The following FBXL2 variants were observed in gnomAD, a reference collection of about 807,000 sequenced individuals.
FBXL2 encodes F-box/LRR-repeat protein 2.
In FBXL2, 38 loss-of-function variants were observed where a neutral mutation model predicts 69.2. The ratio of observed to expected loss-of-function variants is 0.55; its 90% CI spans 0.42 to 0.72. FBXL2 has a LOEUF of 0.72. Among genes scored for constraint, FBXL2 ranks in the 30% least tolerant of loss-of-function variants. FBXL2 has a pLI of 0.00. For missense variants in FBXL2, 354 were observed against 520.3 expected, an observed-to-expected ratio of 0.68 and a Z score of 3.11; for synonymous variants, 192 against 201.3, an observed-to-expected ratio of 0.95 and a Z score of 0.39.
rs572343995 is a variant in FBXL2, at chr3:33,299,738, A to G, written c.65+2013A>G. 3.9e-5 allele frequency among the ~76,000 whole-genome samples: 6 copies of G among 152,350 alleles called. No homozygotes were observed. The South Asian group carries it at 1.2e-3, about 32-fold the overall frequency. On this transcript the variant is annotated intron_variant, in intron 2 of 14. Coordinates refer to ENST00000484457, the MANE Select transcript of FBXL2 (RefSeq NM_012157.5). ...ATTAAAAAAACTGAGACAGGATTGT[A>G]TGAAAAATATCAATTATATTTTCCA... is the stretch of plus-strand genomic sequence containing the variant.
chr3:33,286,059 A>G (rs1289805880), intron 1 of FBXL2, among the ~76,000 whole-genome samples: 1 of 152,134 alleles, frequency 6.6e-6, no homozygotes, highest in African/African-American at 2.4e-5. Context: ...TTCTCCATCC[A>G]GCTTTGTTCT....
intron 1 of FBXL2, among the ~76,000 whole-genome samples, chr3:33,288,585 G>A (rs1329289757): frequency 6.6e-6 from 1 of 152,232 alleles, no homozygotes; most frequent in Non-Finnish European, 1.5e-5. Flanking sequence ...GGGAATGCCT[G>A]AAGAAAGACT....
At chr3:33,295,173 C>T (rs1309166410) in intron 1 of FBXL2, among the ~76,000 whole-genome samples, 1 of 152,114 alleles carries the variant, frequency 6.6e-6, no homozygotes, top group East Asian at 1.9e-4. Flanking sequence ...TTAGTATATT[C>T]ACCAAGTTGT....
chr3:33,392,819 G>A (rs2043822125), downstream of FBXL2: 1 of 496,310 alleles, frequency 2.0e-6, no homozygotes, highest in South Asian at 3.6e-5. Context: ...TGGTCCCTGA[G>A]AGACCTGGTC....
At chr3:33,295,146 G>T (rs183679306) in intron 1 of FBXL2, among the ~76,000 whole-genome samples, 2 of 152,062 alleles carry the variant, frequency 1.3e-5, no homozygotes, top group Non-Finnish European at 2.9e-5. Context: ...CACTTAAAAA[G>T]TACACTTCAG....
In FBXL2 at chr3:33,388,016, G is replaced by A. The variant is rs2043570504; in HGVS notation, c.*2408G>A. On this transcript the variant is annotated 3_prime_UTR_variant, in exon 15 of 15. Transcript: ENST00000484457. The stretch of plus-strand genomic sequence containing the variant: ...ACCCGGGAGGCAGAGCTTGCAGTGA[G>A]CCGAGATTGCGCCACTGCACTCCAG... The A allele has an allele frequency of 6.7e-6, 1 of 148,926 alleles. No individual in the cohort carries two copies. The highest frequency in any genetic ancestry group is 6.7e-5 in the Admixed American group (1 of 14,878). The allele number at this position is 148,926 out of a possible 1,614,324, so 9.2% of individuals were successfully genotyped here. A position where few individuals can be genotyped will look rare whatever the true frequency, so the allele number is the denominator to read the frequency against.
At chr3:33,400,495 G>C (rs1156770921) in intron 12 of FBXL2, among the ~76,000 whole-genome samples, 1 of 152,116 alleles carries the variant, frequency 6.6e-6, no homozygotes, top group African/African-American at 2.4e-5. Context: ...GAAAAATCAT[G>C]CCGCTGCTAA....
intron 2 of FBXL2, among the ~76,000 whole-genome samples, chr3:33,335,671 T>C (rs2039519351): frequency 6.6e-6 from 1 of 152,126 alleles, no homozygotes; most frequent in African/African-American, 2.4e-5. Flanking sequence ...CCATAAAATA[T>C]GCATAAATAT....
chr3:33,378,682 C>T lies in FBXL2; in HGVS notation c.895-3C>T, dbSNP rs760137010. 25 of 1,611,996 alleles carry T rather than the reference C, an allele frequency of 1.6e-5. No homozygotes were observed. The highest frequency in any genetic ancestry group is 2.1e-5 in the Non-Finnish European group (25 of 1,179,298). On this transcript the variant is annotated splice_polypyrimidine_tract_variant and splice_region_variant and intron_variant, in intron 12 of 14. Transcript: ENST00000484457. Reference sequence around the variant, plus strand: ...CACACTGACACAGCATGTTTCTCTCCAGATAACCGACAGCACACTCATCCA... The same window carrying T: ...CACACTGACACAGCATGTTTCTCTCTAGATAACCGACAGCACACTCATCCA...
rs61757567 is a variant in FBXL2 at position 33,396,253 on chromosome 3, A to G, written n.1215-6981A>G. Reference sequence around the variant, plus strand: ...TGCTGCTTGGCTGCTCCCGGCAGACATAGATGGTTAAACGGGGTCTAACCG... The same window carrying G: ...TGCTGCTTGGCTGCTCCCGGCAGACGTAGATGGTTAAACGGGGTCTAACCG... On this transcript the variant is annotated intron_variant and non_coding_transcript_variant, in intron 12 of 12. Coordinates refer to the FBXL2 transcript ENST00000463736. 1,412 of 1,586,976 alleles carry G rather than the reference A, an allele frequency of 8.9e-4. 1 individual carries two copies. Among genetic ancestry groups the G allele is most frequent in the Non-Finnish European group, 1.1e-3 (1,241 of 1,158,304 alleles).
At chr3:33,344,820 T>C (rs943627152) in intron 2 of FBXL2, among the ~76,000 whole-genome samples, 1 of 152,058 alleles carries the variant, frequency 6.6e-6, no homozygotes, top group Non-Finnish European at 1.5e-5. Flanking sequence ...TAAAACTGAT[T>C]AAGAAAAGAA....
intron 5 of FBXL2, among the ~76,000 whole-genome samples, chr3:33,369,972 C>T (rs2042184820): frequency 6.6e-6 from 1 of 152,168 alleles, no homozygotes; most frequent in Non-Finnish European, 1.5e-5. Context: ...TATGTCCAGT[C>T]ATTCCTTTCT....
chr3:33,336,993 T>C (rs979946882), intron 2 of FBXL2, among the ~76,000 whole-genome samples: 1 of 151,810 alleles, frequency 6.6e-6, no homozygotes, highest in East Asian at 1.9e-4. Context: ...TTGCCTGAGC[T>C]CAGGAGTTCG....
At chr3:33,353,091 A>G (rs2040945195) in intron 2 of FBXL2, among the ~76,000 whole-genome samples, 1 of 152,224 alleles carries the variant, frequency 6.6e-6, no homozygotes, top group Non-Finnish European at 1.5e-5. Context: ...ATACCACTGT[A>G]TACCTATTAG....
chr3:33,385,364 CTCTAA>C, intron 14 of FBXL2, 132 bp from the exon 15 acceptor site: 1 of 811,204 alleles, frequency 1.2e-6, no homozygotes, highest in East Asian at 2.5e-5. Flanking sequence ...ACAGGAGTAG[CTCTAA>C]TCTATAGCAT....
intron 12 of FBXL2, chr3:33,398,002 A>G (rs1413070328): frequency 6.6e-6 from 1 of 152,246 alleles, no homozygotes; most frequent in African/African-American, 2.4e-5. Flanking sequence ...AATACAACAG[A>G]AGGCAGGAGA....
intron 11 of FBXL2, 118 bp downstream of exon 11, chr3:33,377,451 G>C: frequency 1.1e-6 from 1 of 945,116 alleles, no homozygotes; most frequent in Non-Finnish European, 1.7e-6. Flanking sequence ...GCACAAAGTA[G>C]AGTAGAACCC....
At chr3:33,280,792 TA>T (rs2033908514) in intron 1 of FBXL2, among the ~76,000 whole-genome samples, 1 of 151,798 alleles carries the variant, frequency 6.6e-6, no homozygotes, top group Non-Finnish European at 1.5e-5. Flanking sequence ...GAACAAAATC[TA>T]TTGGGATATA....
the FBXL2 span, among the ~76,000 whole-genome samples, chr3:33,415,135 C>G: frequency 0.18 from 27,627 of 152,156 alleles, 3,188 homozygotes; most frequent in East Asian, 0.47. Flanking sequence ...GGTATTTTAA[C>G]CAGCTTGCCA....
Sources: allele counts gnomAD v4.1 joint callset (sites outside exome capture counted in the v4.1 genomes callset), GRCh38; gene constraint gnomAD v4.1.1; transcripts MANE v1.5; gene names NCBI Gene and HGNC (gene_info 2026-07-23, HGNC 2026-07-21).